Variants in DEF8 observed in about 807,000 individuals in gnomAD.
The protein encoded by DEF8 is differentially expressed in FDCP 8 homolog.
DEF8 carries 38 observed loss-of-function variants against 59.1 expected under a neutral mutation model. The ratio of observed to expected loss-of-function variants is 0.64; its 90% CI spans 0.50 to 0.84. The LOEUF (loss-of-function observed/expected upper bound fraction) is 0.84. Among genes scored for constraint, DEF8 ranks in the 40% least tolerant of loss-of-function variants. The pLI, the probability that DEF8 is intolerant of heterozygous loss-of-function variation, is 0.00. For missense variants in DEF8, 557 were observed against 615.2 expected (o/e 0.91, Z 1.00); for synonymous variants, 265 against 250.1 (o/e 1.06, Z -0.56).
Position 89,957,602 on chromosome 16 carries a change from A to G in DEF8, c.314A>G (p.Lys105Arg). 1 of 1,584,378 alleles carries G rather than the reference A, an allele frequency of 6.3e-7. No homozygotes were observed. The highest frequency in any genetic ancestry group is 8.6e-7 in the Non-Finnish European group (1 of 1,165,762). The stretch of plus-strand genomic sequence containing the variant: ...CTGGAGCTGCCCGAGCAGTCGGAGA[A>G]GCAGAAGGATGCCGTGGTGCGACTC... ...VILELPEQSEKQKDAVVRLIH... is the reference protein window; with the variant it reads ...VILELPEQSERQKDAVVRLIH... Residue 105 changes from lysine to arginine, a missense_variant, in exon 5 of 13, where the codon AAG becomes AGG. Transcript: ENST00000563594.
chr16:89,960,313 G>A lies in DEF8; in HGVS notation c.515-618G>A, dbSNP rs550905666. On this transcript the variant is annotated intron_variant, in intron 6 of 12. Transcript: ENST00000563594. ...TGGGAGTGAGGAGTCGCTAAGGGCA[G>A]TCCAGCTGAAGGTTTGGAAACGGAA... 9.8e-4 allele frequency among the ~76,000 whole-genome samples: 149 copies of A among 152,120 alleles called. 1 individual carries two copies. The highest frequency in any genetic ancestry group is 3.4e-3 in the African/African-American group (141 of 41,474).
chr16:89,965,775 G>A, intron 12 of DEF8, 86 bp from the exon 13 acceptor site: 1 of 815,504 alleles, frequency 1.2e-6, no homozygotes, highest in Non-Finnish European at 2.0e-6. Flanking sequence ...CTGTAGAGGG[G>A]ATGATAGGAG....
chr16:89,963,944 C>A, intron 10 of DEF8: 1 of 642,398 alleles, frequency 1.6e-6, no homozygotes, highest in Non-Finnish European at 2.9e-6. Flanking sequence ...GGAGGGGCTG[C>A]CTTAGGGAGT....
At chr16:89,961,468 C>T (rs1313679105) in intron 7 of DEF8, among the ~76,000 whole-genome samples, 1 of 152,166 alleles carries the variant, frequency 6.6e-6, no homozygotes, top group Non-Finnish European at 1.5e-5. Flanking sequence ...CACATGTGCG[C>T]GTCAGCTCTT....
At chr16:89,964,813 C>A (rs1431115720) in intron 12 of DEF8, among the ~76,000 whole-genome samples, 1 of 152,206 alleles carries the variant, frequency 6.6e-6, no homozygotes, top group Non-Finnish European at 1.5e-5. Flanking sequence ...AGGGGGCTGC[C>A]CCTTCCCAGG....
rs2034068969 is a variant in DEF8, at chr16:89,961,886, C to T, written c.807+22C>T. On this transcript the variant is annotated intron_variant, in intron 8 of 12. Transcript: ENST00000563594. Reference sequence around the variant, plus strand: ...AAAGGTGGGGGTTGGAAGGTGGGGGCATCCCCCTGGGGAGGGAGAGCAGGA... The same window carrying T: ...AAAGGTGGGGGTTGGAAGGTGGGGGTATCCCCCTGGGGAGGGAGAGCAGGA... 4 of 1,594,772 alleles carry T rather than the reference C, an allele frequency of 2.5e-6. No individual in the cohort carries two copies. The South Asian group carries it at 4.5e-5, about 18-fold the overall frequency.
chr16:89,959,213 G>T, intron 6 of DEF8, 58 bp downstream of exon 6: 2 of 1,609,048 alleles, frequency 1.2e-6, no homozygotes, highest in Non-Finnish European at 8.5e-7. Context: ...TCCTGCCTCC[G>T]CTGGGCTCAC....
chr16:89,963,233 C>G (rs1447641301), intron 9 of DEF8, 130 bp from the exon 10 acceptor site: 3 of 656,968 alleles, frequency 4.6e-6, no homozygotes, highest in Non-Finnish European at 7.6e-6. Flanking sequence ...TTTGGTGAAG[C>G]ACTCAGATCT....
chr16:89,955,107 C>A, intron 3 of DEF8, 62 bp from the exon 4 acceptor site: 6 of 1,359,478 alleles, frequency 4.4e-6, no homozygotes, highest in Non-Finnish European at 6.3e-6. Flanking sequence ...CAGCTCCTCC[C>A]TAGGGGATGG....
intron 9 of DEF8, among the ~76,000 whole-genome samples, chr16:89,962,388 G>A (rs963258613): frequency 2.0e-5 from 3 of 152,216 alleles, no homozygotes; most frequent in African/African-American, 4.8e-5. Flanking sequence ...AGCTGGGCAC[G>A]GTGCTCACAC....
Position 89,967,628 on chromosome 16 carries a change from G to A in DEF8, c.*1665G>A, listed in dbSNP as rs1258271496. On this transcript the variant is annotated 3_prime_UTR_variant, in exon 13 of 13. Coordinates refer to ENST00000563594, the MANE Select transcript of DEF8 (RefSeq NM_001242818.2). ...CCCCTTCCTCTTTGGGGCTGAGGAG[G>A]AGGTTAAAGGCCAAATGCTGTTTCC... The A allele has an allele frequency of 2.5e-6, 1 of 397,084 alleles. No individual in the cohort carries two copies. The highest frequency in any genetic ancestry group is 3.6e-5 in the East Asian group (1 of 28,042). 24.6% of individuals were successfully genotyped at this position (397,084 alleles called of 1,614,324 possible). A position where few individuals can be genotyped will look rare whatever the true frequency, so the allele number is the denominator to read the frequency against.
intron 2 of DEF8, among the ~76,000 whole-genome samples, chr16:89,950,980 C>CA (rs1038555896): frequency 2.6e-5 from 4 of 151,622 alleles, no homozygotes; most frequent in Admixed American, 1.3e-4. Context: ...CACCCTGTCT[C>CA]AAAAAAAAGT....
In DEF8 at chr16:89,966,160, CTGTCACCTGGG is replaced by C. The variant is rs959732936; in HGVS notation, c.*201_*211del. 1 of 534,200 alleles carries C rather than the reference CTGTCACCTGGG, an allele frequency of 1.9e-6. No homozygotes were observed. The highest frequency in any genetic ancestry group is 3.4e-6 in the Non-Finnish European group (1 of 294,056). The allele number at this position is 534,200 out of a possible 1,614,324, so 33.1% of individuals were successfully genotyped here. ...TGGGACTCGGGGCGGCTGCACCTGGCTGTCACCTGGGTGTGCTGCTGTGAGGGGTCCTTGCG... is the reference window on the plus strand; with the variant it reads ...TGGGACTCGGGGCGGCTGCACCTGGCTGTGCTGCTGTGAGGGGTCCTTGCG... On this transcript the variant is annotated 3_prime_UTR_variant, in exon 13 of 13. Transcript: ENST00000563594.
In DEF8 at chr16:89,962,098, C is replaced by A. The variant is rs1338501319; in HGVS notation, c.894C>A (p.Ser298Arg). Residue 298 changes from serine (S) to arginine (R), a missense_variant, in exon 9 of 13, where the codon AGC (serine) becomes AGA (arginine). Ser to Arg is a moderately radical substitution (Grantham distance 110, BLOSUM62 -1). Transcript: ENST00000563594. Reference sequence around the variant, plus strand: ...GGGAGATCAACCCTCTGCTGTTCAGCTACGTGGAGGAGCTGGTGGAGATTC... The same window carrying A: ...GGGAGATCAACCCTCTGCTGTTCAGATACGTGGAGGAGCTGGTGGAGATTC... ...RLREINPLLF[S>R]YVEELVEIRK... The A allele has an allele frequency of 6.2e-7, 1 of 1,613,992 alleles. No homozygotes were observed. Among genetic ancestry groups the A allele is most frequent in the Non-Finnish European group, 8.5e-7 (1 of 1,179,966 alleles).
At chr16:89,960,846 G>C in intron 6 of DEF8, 85 bp from the exon 7 acceptor site, 1 of 1,464,678 alleles carries the variant, frequency 6.8e-7, no homozygotes, top group Non-Finnish European at 9.4e-7. Flanking sequence ...TGGAACCCAC[G>C]GGGAGGGGGC....
At position 89,957,893 on chromosome 16, in the gene DEF8, C is replaced by G. The variant is rs912523225; in HGVS notation, c.372+233C>G. ...CTGTTGCAAGGAACAGAAACTCAAC[C>G]CTGAGTAGCTTAAGCCAAAAAGAAA... On this transcript the variant is annotated intron_variant, in intron 5 of 12. Coordinates refer to ENST00000563594, the MANE Select transcript of DEF8 (RefSeq NM_001242818.2). The G allele has an allele frequency of 1.4e-5, 6 of 423,708 alleles. No individual in the cohort carries two copies. The Admixed American group carries it at 2.0e-4, about 14-fold the overall frequency. 26.2% of individuals were successfully genotyped at this position (423,708 alleles called of 1,614,324 possible).
At position 89,964,551 on chromosome 16, in the gene DEF8, C is replaced by T. The variant is rs1467950138; in HGVS notation, c.1229C>T (p.Ala410Val). ...TTCGACAGCCACACGTCTGTGTGCG[C>T]CGACTGCTCCGCGGTCTTCCACAGG... ...FPFDSHTSVC[A>V]DCSAVFHRDC... is the part of the protein sequence containing the mutation. Residue 410 changes from alanine to valine, a missense_variant, in exon 12 of 13, where the codon GCC becomes GTC. Ala to Val is a moderately conservative substitution (Grantham distance 64). Coordinates refer to ENST00000563594, the MANE Select transcript of DEF8 (RefSeq NM_001242818.2). 1.9e-6 allele frequency: 3 copies of T among 1,581,506 alleles called. No homozygotes were observed. The Admixed American group carries it at 5.4e-5, about 29-fold the overall frequency.
Position 89,961,779 on chromosome 16 carries a change from A to G in DEF8, c.722A>G (p.Gln241Arg), listed in dbSNP as rs2034059260. 1 of 1,613,428 alleles carries G rather than the reference A, an allele frequency of 6.2e-7. No individual in the cohort carries two copies. The highest frequency in any genetic ancestry group is 1.3e-5 in the African/African-American group (1 of 74,920). The change falls in exon 8 of 13, where the codon CAG (glutamine) becomes CGG (arginine). Residue 241 changes from glutamine (Q) to arginine (R), a missense_variant. By Grantham distance (43) the Gln-to-Arg change is conservative (BLOSUM62 1). Transcript: ENST00000563594. The part of the protein sequence containing the change: ...SEARQCDYTG[Q>R]YYCSHCHWND... Reference sequence around the variant, plus strand: ...GCCAGGCAGTGCGACTACACCGGCCAGTACTACTGCAGCCACTGCCACTGG... The same window carrying G: ...GCCAGGCAGTGCGACTACACCGGCCGGTACTACTGCAGCCACTGCCACTGG...
chr16:89,955,317 A>G, intron 4 of DEF8, 51 bp downstream of exon 4: 1 of 1,496,164 alleles, frequency 6.7e-7, no homozygotes. Flanking sequence ...CCCCCAAGGC[A>G]GGAAGGGCCA....
Sources: allele counts gnomAD v4.1 joint callset (sites outside exome capture counted in the v4.1 genomes callset), GRCh38; gene constraint gnomAD v4.1.1; transcripts MANE v1.5; gene names NCBI Gene and HGNC (gene_info 2026-07-23, HGNC 2026-07-21).